Variants in TBC1D14 observed in about 807,000 individuals in gnomAD.
TBC1D14 encodes TBC1 domain family member 14.
In TBC1D14, 26 loss-of-function variants were observed where a neutral mutation model predicts 79.0. That is an observed-to-expected ratio of 0.33 (90% CI 0.24 to 0.46). TBC1D14 has a LOEUF of 0.46. Among genes scored for constraint, TBC1D14 ranks in the 20% least tolerant of loss-of-function variants. TBC1D14 has a pLI of 1.00. For synonymous variants in TBC1D14, 394 were observed against 349.9 expected, an observed-to-expected ratio of 1.13 and a Z score of -1.40; for missense variants, 769 against 887.6, an observed-to-expected ratio of 0.87 and a Z score of 1.70.
At chr4:6,939,660 C>T (rs917785337) in intron 2 of TBC1D14, among the ~76,000 whole-genome samples, 29 of 150,836 alleles carry the variant, frequency 1.9e-4, no homozygotes, top group Admixed American at 1.5e-3. Flanking sequence ...GCAAGATAGT[C>T]GACTGAGACC....
At chr4:6,968,582 G>T (rs1377725402) in intron 3 of TBC1D14, among the ~76,000 whole-genome samples, 1 of 152,238 alleles carries the variant, frequency 6.6e-6, no homozygotes, top group Non-Finnish European at 1.5e-5. Flanking sequence ...ACAGTGGGAT[G>T]CCAGGACCCC....
chr4:6,987,314 C>G, intron 3 of TBC1D14: 1 of 1,397,650 alleles, frequency 7.2e-7, no homozygotes, highest in Non-Finnish European at 9.4e-7. Context: ...GGCATGGAGC[C>G]TCCGGCCGCG....
chr4:7,008,586 C>T (rs6839250), intron 9 of TBC1D14, among the ~76,000 whole-genome samples: 133,461 of 152,114 alleles, frequency 0.88, 58,866 homozygotes, highest in East Asian at 0.97. Flanking sequence ...CTAATTTTTG[C>T]ATTTTAGGGA....
At chr4:7,029,575 C>T (rs1722833384) in intron 13 of TBC1D14, among the ~76,000 whole-genome samples, 2 of 152,208 alleles carry the variant, frequency 1.3e-5, no homozygotes, top group Non-Finnish European at 2.9e-5. Context: ...CATGGTGGCT[C>T]AAGCACTTTG....
At chr4:6,943,117 C>T (rs888347915) in intron 2 of TBC1D14, among the ~76,000 whole-genome samples, 1 of 152,184 alleles carries the variant, frequency 6.6e-6, no homozygotes, top group African/African-American at 2.4e-5. Flanking sequence ...TTCGGTATTA[C>T]ACCAAAGCAG....
intron 1 of TBC1D14, among the ~76,000 whole-genome samples, chr4:6,915,373 C>G (rs571102938): frequency 6.6e-6 from 1 of 152,160 alleles, no homozygotes; most frequent in Non-Finnish European, 1.5e-5. Context: ...GGTCACTGCA[C>G]CTGCTCAGCC....
intron 2 of TBC1D14, among the ~76,000 whole-genome samples, chr4:6,940,165 G>A (rs530717131): frequency 5.7e-4 from 87 of 152,328 alleles, no homozygotes; most frequent in African/African-American, 1.6e-3. Flanking sequence ...AAAATTACCC[G>A]AAATGGAAAA....
At chr4:7,010,803 G>T (rs1720682967) in intron 11 of TBC1D14, 22 bp downstream of exon 11, 2 of 1,609,974 alleles carry the variant, frequency 1.2e-6, no homozygotes, top group African/African-American at 1.3e-5. Flanking sequence ...CTGTGTTCGG[G>T]CCCTGGGTAC....
At chr4:6,912,973 T>A (rs951792944) in intron 1 of TBC1D14, among the ~76,000 whole-genome samples, 6 of 152,200 alleles carry the variant, frequency 3.9e-5, no homozygotes, top group African/African-American at 1.4e-4. Context: ...TTTTGTTTTG[T>A]TTTTTGTTTT....
chr4:7,024,784 G>C, intron 12 of TBC1D14, among the ~76,000 whole-genome samples: 1 of 152,210 alleles, frequency 6.6e-6, no homozygotes, highest in East Asian at 1.9e-4. Context: ...TCAGTCATTC[G>C]GAAGCTGTGT....
chr4:6,928,898 G>A (rs4513567), intron 2 of TBC1D14, among the ~76,000 whole-genome samples: 99,823 of 152,072 alleles, frequency 0.66, 33,230 homozygotes, highest in South Asian at 0.8. Flanking sequence ...ATCGCAGCAT[G>A]TTAATGTCTA....
chr4:7,030,234 C>A, intron 13 of TBC1D14, 93 bp from the exon 14 acceptor site: 1 of 1,218,610 alleles, frequency 8.2e-7, no homozygotes, highest in South Asian at 1.2e-5. Flanking sequence ...GCCGGGGGAC[C>A]CTGTTAGGAG....
intron 2 of TBC1D14, among the ~76,000 whole-genome samples, chr4:6,960,782 G>C (rs1715119067): frequency 6.6e-6 from 1 of 152,222 alleles, no homozygotes; most frequent in Admixed American, 6.5e-5. Context: ...GCGGTTTGCT[G>C]TTTTCAGCCC....
At chr4:6,930,689 T>C (rs927020684) in intron 2 of TBC1D14, among the ~76,000 whole-genome samples, 1 of 151,718 alleles carries the variant, frequency 6.6e-6, no homozygotes, top group African/African-American at 2.4e-5. Flanking sequence ...TCCTAGCTAC[T>C]TGGGAGGCTG....
intron 12 of TBC1D14, 68 bp from the exon 13 acceptor site, chr4:7,024,936 G>A (rs1722197484): frequency 1.3e-6 from 2 of 1,585,424 alleles, no homozygotes; most frequent in African/African-American, 1.3e-5. Flanking sequence ...GAATCAGACT[G>A]GAATTCACTG....
intron 2 of TBC1D14, among the ~76,000 whole-genome samples, chr4:6,950,911 T>C (rs1713979949): frequency 6.6e-6 from 1 of 152,202 alleles, no homozygotes; most frequent in Non-Finnish European, 1.5e-5. Flanking sequence ...ATAAAATGGG[T>C]TGGGAGAGTT....
intron 3 of TBC1D14, among the ~76,000 whole-genome samples, chr4:6,987,772 C>G (rs1187519675): frequency 6.6e-6 from 1 of 152,200 alleles, no homozygotes; most frequent in Non-Finnish European, 1.5e-5. Context: ...GCTCCGAGCT[C>G]TAGAGCCCAA....
chr4:6,999,270 G>A, intron 6 of TBC1D14, 68 bp downstream of exon 6: 1 of 1,392,370 alleles, frequency 7.2e-7, no homozygotes, highest in Middle Eastern at 2.3e-4. Flanking sequence ...GGCCACAGCT[G>A]TAGTCGTCAT....
intron 12 of TBC1D14, among the ~76,000 whole-genome samples, chr4:7,019,762 T>G (rs1185451261): frequency 8.5e-4 from 80 of 94,008 alleles, no homozygotes; most frequent in Middle Eastern, 6.3e-3. Context: ...TGGGCTCAGG[T>G]CAGGGAGGAC....
Sources: gnomAD v4.1 joint callset for allele counts (sites outside exome capture counted in the v4.1 genomes callset) on GRCh38, gnomAD v4.1.1 for gene constraint, MANE v1.5 for transcripts, NCBI Gene and HGNC (gene_info 2026-07-23, HGNC 2026-07-21) for gene names.